Variants in MYO1E observed in about 807,000 individuals in gnomAD.
The protein encoded by MYO1E is unconventional myosin-Ie.
Under a neutral mutation model 151.1 loss-of-function variants are expected in MYO1E, and 68 were observed. The observed-to-expected ratio is 0.45, with a 90% CI of 0.37 to 0.55. The LOEUF (loss-of-function observed/expected upper bound fraction) is 0.55. MYO1E is among the 20% of genes least tolerant of loss of function. The pLI is 0.00. For synonymous variants in MYO1E, 601 were observed against 501.7 expected (o/e 1.20, Z -2.64); for missense variants, 1,363 against 1,389.3 (o/e 0.98, Z 0.30).
chr15:59,317,627 A>G (rs1460180966), intron 1 of MYO1E, among the ~76,000 whole-genome samples: 1 of 152,212 alleles, frequency 6.6e-6, no homozygotes, highest in Non-Finnish European at 1.5e-5. Context: ...TATTAGTGTG[A>G]AAGTCTGGGT....
intron 6 of MYO1E, 133 bp from the exon 7 acceptor site, chr15:59,227,723 G>T: frequency 8.1e-7 from 1 of 1,238,952 alleles, no homozygotes; most frequent in Non-Finnish European, 1.2e-6. Context: ...CCTAATTTGA[G>T]TCTAGACTTC....
chr15:59,152,733 G>A (rs966596165), intron 26 of MYO1E, among the ~76,000 whole-genome samples: 6 of 152,202 alleles, frequency 3.9e-5, no homozygotes, highest in African/African-American at 1.4e-4. Context: ...CTCAGAGAGA[G>A]CAAACAGCAG....
At position 59,171,587 on chromosome 15, in the gene MYO1E, G is replaced by T. The variant is rs1397719752; in HGVS notation, c.2480+310C>A. 2.0e-5 allele frequency among the ~76,000 whole-genome samples: 3 copies of T among 152,204 alleles called. No homozygotes were observed. In the East Asian group the frequency reaches 5.8e-4, roughly 29 times the overall value. The stretch of plus-strand genomic sequence containing the variant: ...AATCCTTGGCTCTACTGCAACAAGA[G>T]AAATTATTCTCTGAGGTGTTCCATA... On this transcript the variant is annotated intron_variant, in intron 22 of 27. Transcript: ENST00000288235.
chr15:59,143,861 C>T (rs1163681633), intron 26 of MYO1E, among the ~76,000 whole-genome samples: 5 of 152,338 alleles, frequency 3.3e-5, no homozygotes, highest in Admixed American at 6.5e-5. Context: ...AACTCCTGCT[C>T]GGCCTTCGGA....
chr15:59,357,590 AT>A (rs1285580148), intron 1 of MYO1E, among the ~76,000 whole-genome samples: 499 of 36,148 alleles, frequency 0.014, 6 homozygotes, highest in African/African-American at 0.026. Flanking sequence ...ACGCCTGGCT[AT>A]TTTTGTTGTT....
chr15:59,294,618 C>A (rs1004269096), intron 1 of MYO1E, among the ~76,000 whole-genome samples: 31 of 152,316 alleles, frequency 2.0e-4, no homozygotes, highest in African/African-American at 7.2e-4. Context: ...AGAACACAGG[C>A]CTTCTTGGCT....
chr15:59,171,835 A>T, intron 22 of MYO1E, 62 bp downstream of exon 22: 1 of 1,610,278 alleles, frequency 6.2e-7, no homozygotes, highest in East Asian at 2.2e-5. Context: ...GCTGTTTGGA[A>T]CAGCGGACCG....
chr15:59,287,987 G>A (rs371425546), intron 1 of MYO1E, among the ~76,000 whole-genome samples: 6 of 152,322 alleles, frequency 3.9e-5, no homozygotes, highest in African/African-American at 1.2e-4. Context: ...AATGTGCAGC[G>A]AAGGCGCTCA....
In MYO1E at chr15:59,173,787, C is replaced by G; in HGVS notation, c.2293G>C (p.Asp765His). ...TACTTGGTGACTGTGTCTGCGAAAT[C>G]AATCTTCTCCCTCTTGCCCACGAAC... ...QQFVGKREKI[D>H]FADTVTKYDR... Residue 765 changes from aspartate to histidine, a missense_variant, in exon 21 of 28, where the codon GAT becomes CAT. By Grantham distance (81) the Asp-to-His change is moderately conservative. Transcript: ENST00000288235. 3 of 1,614,070 alleles carry G rather than the reference C, an allele frequency of 1.9e-6. No individual in the cohort carries two copies. Among genetic ancestry groups the G allele is most frequent in the East Asian group, 2.2e-5 (1 of 44,880 alleles).
chr15:59,228,171 G>C (rs1313305774), intron 6 of MYO1E, among the ~76,000 whole-genome samples: 2 of 152,268 alleles, frequency 1.3e-5, no homozygotes, highest in East Asian at 3.9e-4. Context: ...TAGTTGAAAA[G>C]GTATCTAGGT....
intron 1 of MYO1E, among the ~76,000 whole-genome samples, chr15:59,277,256 C>A (rs2080324606): frequency 6.6e-6 from 1 of 152,010 alleles, no homozygotes; most frequent in Non-Finnish European, 1.5e-5. Flanking sequence ...AAATAAAAAT[C>A]AAAGTCTGGG....
At chr15:59,238,624 T>G (rs1178352693) in intron 4 of MYO1E, among the ~76,000 whole-genome samples, 1 of 152,084 alleles carries the variant, frequency 6.6e-6, no homozygotes, top group African/African-American at 2.4e-5. Flanking sequence ...CAGGCTGGAG[T>G]GCAGTGGCAC....
At chr15:59,213,689 G>A (rs148579489) in intron 12 of MYO1E, among the ~76,000 whole-genome samples, 1,540 of 151,696 alleles carry the variant, frequency 0.01, 10 homozygotes, top group Non-Finnish European at 0.017. Context: ...TTGAACTCCC[G>A]GGCTCAAGCA....
intron 1 of MYO1E, among the ~76,000 whole-genome samples, chr15:59,287,756 G>C (rs1372315896): frequency 2.6e-5 from 4 of 152,192 alleles, no homozygotes; most frequent in South Asian, 2.1e-4. Flanking sequence ...GTCTCAGTCT[G>C]AGTGAATGTG....
intron 4 of MYO1E, among the ~76,000 whole-genome samples, chr15:59,242,543 C>T (rs1474670538): frequency 6.6e-6 from 1 of 152,138 alleles, no homozygotes; most frequent in Non-Finnish European, 1.5e-5. Context: ...AGCTCTTCCT[C>T]ACAGTGGAAT....
chr15:59,274,538 T>A (rs2080307024), intron 1 of MYO1E, among the ~76,000 whole-genome samples: 1 of 152,164 alleles, frequency 6.6e-6, no homozygotes, highest in South Asian at 2.1e-4. Context: ...TTGGTTGGTT[T>A]TTAACCCCCA....
chr15:59,170,010 C>T (rs1169967140), intron 22 of MYO1E, among the ~76,000 whole-genome samples: 1 of 151,928 alleles, frequency 6.6e-6, no homozygotes, highest in Admixed American at 6.6e-5. Flanking sequence ...AAAATACAAA[C>T]ATTAGCCAGG....
intron 18 of MYO1E, among the ~76,000 whole-genome samples, chr15:59,187,582 G>A (rs867650880): frequency 6.6e-6 from 1 of 152,308 alleles, no homozygotes; most frequent in Middle Eastern, 3.4e-3. Flanking sequence ...GCACTTTGAA[G>A]CATATACCCG....
Position 59,258,366 on chromosome 15 carries a change from A to C in MYO1E, c.238-1988T>G, listed in dbSNP as rs146352132. 1.6e-3 allele frequency among the ~76,000 whole-genome samples: 244 copies of C among 152,278 alleles called. 1 individual carries two copies. Among genetic ancestry groups the C allele is most frequent in the African/African-American group, 5.2e-3 (217 of 41,568 alleles). ...TCTCAAAACAAAACAAACAAACAAA[A>C]AAATATATATCTAGAAAATGGAAGT... On this transcript the variant is annotated intron_variant, in intron 3 of 27. Transcript: ENST00000288235.
Sources: gnomAD v4.1 joint callset for allele counts (sites outside exome capture counted in the v4.1 genomes callset) on GRCh38, gnomAD v4.1.1 for gene constraint, MANE v1.5 for transcripts, NCBI Gene and HGNC (gene_info 2026-07-23, HGNC 2026-07-21) for gene names.